LAMA1: variants seen among roughly 807,000 people sequenced by gnomAD.
LAMA1 encodes the protein laminin subunit alpha-1.
Under a neutral mutation model 348.7 loss-of-function variants are expected in LAMA1, and 219 were observed. The observed-to-expected ratio is 0.63, with a 90% CI of 0.56 to 0.70. The LOEUF is 0.70. Ranked by LOEUF, LAMA1 falls within the 30% of genes least tolerant of loss-of-function variation. LAMA1 has a pLI of 0.00. For missense variants in LAMA1, 3,744 were observed against 3,888.0 expected, an observed-to-expected ratio of 0.96 and a Z score of 0.99; for synonymous variants, 1,487 against 1,491.0, an observed-to-expected ratio of 1.00 and a Z score of 0.06.
chr18:7,030,504 C>T (rs1250952272), intron 16 of LAMA1, among the ~76,000 whole-genome samples: 1 of 152,076 alleles, frequency 6.6e-6, no homozygotes, highest in African/African-American at 2.4e-5. Context: ...TTCATCTTAT[C>T]GTGCTACTTC....
At chr18:7,059,381 T>C (rs879552047) in intron 3 of LAMA1, among the ~76,000 whole-genome samples, 21 of 152,206 alleles carry the variant, frequency 1.4e-4, no homozygotes, top group Non-Finnish European at 2.8e-4. Flanking sequence ...CAGCCATTTT[T>C]AAATCCACTT....
chr18:7,083,225 G>C (rs1450699519), intron 1 of LAMA1, among the ~76,000 whole-genome samples: 5 of 142,152 alleles, frequency 3.5e-5, no homozygotes, highest in Non-Finnish European at 7.5e-5. Flanking sequence ...AGTCTCTGTC[G>C]CCCAGGCTGG....
intron 28 of LAMA1, among the ~76,000 whole-genome samples, chr18:7,008,172 G>A (rs1409854793): frequency 1.3e-5 from 2 of 152,040 alleles, no homozygotes; most frequent in Non-Finnish European, 2.9e-5. Flanking sequence ...GGGCACTGGG[G>A]AGAGAGGAAA....
rs371626851 is a variant in LAMA1, at chr18:7,034,395, G to A, written c.2051+84C>T. 1.2e-3 allele frequency: 1,164 copies of A among 987,474 alleles called. 24 individuals carry two copies. In the South Asian group the frequency reaches 0.015, roughly 13 times the overall value. The allele number at this position is 987,474 out of a possible 1,614,324, so 61.2% of individuals were successfully genotyped here. A position where few individuals can be genotyped will look rare whatever the true frequency, so the allele number is the denominator to read the frequency against. On this transcript the variant is annotated intron_variant, in intron 14 of 62. Coordinates refer to ENST00000389658, the MANE Select transcript of LAMA1 (RefSeq NM_005559.4). ...CCTTAATATAATGAATGTAAAATAC[G>A]TTGAGCTTTAAATATATATGAATAA...
rs751531839 is a variant in LAMA1 at position 7,023,248 on chromosome 18, A to G, written c.2617T>C (p.Cys873Arg). The change falls in exon 19 of 63, where the codon TGC becomes CGC. Residue 873 changes from cysteine (C) to arginine (R), a missense_variant. Physicochemically the swap from Cys to Arg is radical, Grantham distance 180. Around this residue, in one of 3 missense-constraint regions of LAMA1, gnomAD observed 1,529 missense variants for 1,689.4 expected, o/e 0.91. Coordinates refer to ENST00000389658, the MANE Select transcript of LAMA1 (RefSeq NM_005559.4). The part of the protein sequence containing the change: ...CDSVTGECLK[C>R]LGNTDGAHCE... ...TGGGCGCCATCTGTGTTCCCCAGGC[A>G]CTTCAGGCACTCCCCGGTGACTGAG... 9 of 1,613,934 alleles carry G rather than the reference A, an allele frequency of 5.6e-6. No homozygotes were observed. In the East Asian group the frequency reaches 1.3e-4, roughly 24 times the overall value.
chr18:7,007,048 C>G (rs1434289753), intron 29 of LAMA1, 91 bp downstream of exon 29: 14 of 1,550,002 alleles, frequency 9.0e-6, no homozygotes, highest in Admixed American at 3.8e-5. Context: ...CTCACTAAAC[C>G]AAGGCACGGC....
At chr18:7,074,535 A>G (rs2143771053) in intron 3 of LAMA1, among the ~76,000 whole-genome samples, 1 of 152,328 alleles carries the variant, frequency 6.6e-6, no homozygotes, top group Non-Finnish European at 1.5e-5. Context: ...TAAGTTGTCA[A>G]AAAAGATCAC....
chr18:7,082,619 C>T (rs1220343030), intron 1 of LAMA1, among the ~76,000 whole-genome samples: 1 of 152,158 alleles, frequency 6.6e-6, no homozygotes, highest in Non-Finnish European at 1.5e-5. Context: ...CCATAATATT[C>T]AGGTATTCTG....
At chr18:6,961,508 T>C (rs1159617847) in intron 53 of LAMA1, 78 bp downstream of exon 53, 11 of 1,527,036 alleles carry the variant, frequency 7.2e-6, no homozygotes, top group Non-Finnish European at 9.9e-6. Flanking sequence ...TAAATGTTTA[T>C]GAGTCAGTCA....
rs772874811 is a variant in LAMA1, at chr18:6,999,567, T to G, written c.4541A>C (p.His1514Pro). ...GSCQKCDCNPHGSVHGDCDRT... is the reference protein window; with the variant it reads ...GSCQKCDCNPPGSVHGDCDRT... ...GTCACAGTCACCGTGGACAGAGCCG[T>G]GCGGGTTGCAGTCACACTTCTGGCA... Residue 1514 changes from histidine (H) to proline (P), a missense_variant, in exon 32 of 63, where the codon CAC (histidine) becomes CCC (proline). Physicochemically the swap from His to Pro is moderately conservative, Grantham distance 77 (BLOSUM62 -2). This residue lies in a region of LAMA1 where 1,983 missense variants were observed against 1,934.3 expected (regional missense o/e 1.03). Transcript: ENST00000389658. 4 of 1,613,946 alleles carry G rather than the reference T, an allele frequency of 2.5e-6. No individual in the cohort carries two copies. In the African/African-American group the frequency reaches 4.0e-5, roughly 16 times the overall value.
chr18:6,995,222 C>A (rs867425774), intron 34 of LAMA1, 135 bp downstream of exon 34: 1 of 728,960 alleles, frequency 1.4e-6, no homozygotes, highest in South Asian at 1.5e-5. Context: ...TGATTAAGTA[C>A]CTGGAGCACA....
At position 6,956,723 on chromosome 18, in the gene LAMA1, G is replaced by A. The variant is rs1412882116; in HGVS notation, c.8007C>T (p.Asp2669=). 6.2e-7 allele frequency: 1 copy of A among 1,614,194 alleles called. No homozygotes were observed. ...FNSAVGHEQV[D]LDTCWLSERP... ...TTTCTGACAGCCAGCAGGTGTCCAG[G>A]TCGACTTGCTCATGGCCAACTGCAC... The change falls in exon 56 of 63, where the codon GAC becomes GAT. Residue 2669 remains aspartate (D), a synonymous_variant. Coordinates refer to ENST00000389658, the MANE Select transcript of LAMA1 (RefSeq NM_005559.4).
chr18:6,975,094 C>A (rs2057675862), intron 45 of LAMA1, 58 bp from the exon 46 acceptor site: 48 of 1,583,276 alleles, frequency 3.0e-5, no homozygotes, highest in Non-Finnish European at 3.9e-5. Context: ...TGCTGACCAC[C>A]ACAACACTTT....
chr18:7,077,303 G>T (rs1042888173), intron 3 of LAMA1, among the ~76,000 whole-genome samples: 2 of 148,770 alleles, frequency 1.3e-5, no homozygotes. Context: ...CTGGGTTCAC[G>T]CCATTCTCCT....
chr18:7,097,798 C>T (rs186768905), intron 1 of LAMA1, among the ~76,000 whole-genome samples: 43 of 152,266 alleles, frequency 2.8e-4, no homozygotes, highest in Non-Finnish European at 4.9e-4. Flanking sequence ...CACTGGATAT[C>T]TATATGCAAA....
intron 16 of LAMA1, among the ~76,000 whole-genome samples, chr18:7,028,294 C>G (rs998901905): frequency 1.3e-5 from 2 of 152,156 alleles, no homozygotes; most frequent in Admixed American, 1.3e-4. Flanking sequence ...CTCACAAATT[C>G]TAGAAGCTCA....
intron 3 of LAMA1, among the ~76,000 whole-genome samples, chr18:7,068,210 G>A (rs1316993236): frequency 3.3e-5 from 5 of 152,210 alleles, no homozygotes; most frequent in East Asian, 1.9e-4. Context: ...GTGCACCCCC[G>A]GTCCCTGCAC....
At chr18:6,995,282 GCC>G in intron 34 of LAMA1, 73 bp downstream of exon 34, 1 of 948,400 alleles carries the variant, frequency 1.1e-6, no homozygotes, top group Admixed American at 1.7e-5. Context: ...CTTCCAGACA[GCC>G]CCAAGGCAAC....
chr18:7,106,656 G>A (rs938949889), intron 1 of LAMA1, among the ~76,000 whole-genome samples: 10 of 151,852 alleles, frequency 6.6e-5, no homozygotes, highest in African/African-American at 2.2e-4. Context: ...CACCGCGCCC[G>A]GCCAGAAGCA....
Sources: allele counts gnomAD v4.1 joint callset (sites outside exome capture counted in the v4.1 genomes callset), GRCh38; gene constraint gnomAD v4.1.1; regional missense constraint gnomAD v4.1.1; transcripts MANE v1.5; gene names NCBI Gene and HGNC (gene_info 2026-07-23, HGNC 2026-07-21).